Variants in KIF4A observed in about 807,000 individuals in gnomAD.
KIF4A encodes kinesin family member 4A, also known as chromosome-associated kinesin KIF4A.
In KIF4A, 7 loss-of-function variants were observed where a neutral mutation model predicts 105.9. That is an observed-to-expected ratio of 0.07 (90% confidence interval 0.04 to 0.12). KIF4A has a LOEUF of 0.12. Ranked by LOEUF, KIF4A falls within the 10% of genes least tolerant of loss-of-function variation. The pLI is 1.00. For synonymous variants in KIF4A, 281 were observed against 331.3 expected, an observed-to-expected ratio of 0.85 and a Z score of 1.65; for missense variants, 558 against 929.2, an observed-to-expected ratio of 0.60 and a Z score of 5.19.
chrX:70,358,906 A>G (rs1051882197), intron 15 of KIF4A, among the ~76,000 whole-genome samples: 2 of 112,318 alleles, frequency 1.8e-5, no homozygotes, highest in Admixed American at 9.4e-5. Context: ...AGTCTCTCCA[A>G]TCATAGACAG....
intron 29 of KIF4A, among the ~76,000 whole-genome samples, chrX:70,419,430 C>T (rs2086357750): frequency 2.7e-5 from 3 of 112,120 alleles, no homozygotes; most frequent in Admixed American, 9.5e-5. Flanking sequence ...TGAGATGTCC[C>T]ATGCAACTAC....
intron 15 of KIF4A, among the ~76,000 whole-genome samples, chrX:70,373,504 ATATATACAT>A (rs2086149642): frequency 1.7e-5 from 1 of 59,979 alleles, no homozygotes; most frequent in African/African-American, 5.6e-5. Flanking sequence ...GGCAACATAT[ATATATACAT>A]GTGTGTGTAT....
At chrX:70,302,099 G>A (rs1300823991) in intron 6 of KIF4A, 33 bp downstream of exon 6, 1 of 1,189,609 alleles carries the variant, frequency 8.4e-7, no homozygotes, top group Non-Finnish European at 1.1e-6. Flanking sequence ...AAGATTTTTA[G>A]TATTAGTTCT....
At chrX:70,333,346 A>C (rs1359049467) in intron 9 of KIF4A, among the ~76,000 whole-genome samples, 1 of 110,233 alleles carries the variant, frequency 9.1e-6, no homozygotes, top group Admixed American at 9.6e-5. Context: ...AAAAGAAAAG[A>C]AAAAAGAAAA....
intron 13 of KIF4A, among the ~76,000 whole-genome samples, chrX:70,349,926 C>T (rs1329484106): frequency 8.5e-4 from 78 of 91,929 alleles, no homozygotes; most frequent in Non-Finnish European, 1.4e-3. Flanking sequence ...ACCTCCCAGA[C>T]GGGGTGGCGG....
intron 7 of KIF4A, among the ~76,000 whole-genome samples, chrX:70,316,875 A>G (rs919375755): frequency 1.8e-5 from 2 of 112,369 alleles, no homozygotes; most frequent in African/African-American, 6.5e-5. Context: ...TTTGAATTTC[A>G]GATAAATGAC....
intron 3 of KIF4A, among the ~76,000 whole-genome samples, chrX:70,291,937 A>G (rs185558969): frequency 1.8e-5 from 2 of 112,062 alleles, no homozygotes; most frequent in African/African-American, 6.5e-5. Flanking sequence ...GCCTTCTTCT[A>G]GGCAACAGCT....
At position 70,305,695 on chromosome X, in the gene KIF4A, T is replaced by C. The variant is rs941148576; in HGVS notation, c.778+3297T>C. Among the ~76,000 whole-genome samples the C allele has an allele frequency of 5.3e-5, 6 of 112,343 alleles. No individual in the cohort carries two copies. The East Asian group carries it at 1.1e-3, about 21-fold the overall frequency. ...TTCTGTAGACAAGTTTTCATTTCTC[T>C]TGAGTGTATACCTATGAGTGGAATT... On this transcript the variant is annotated intron_variant, in intron 7 of 30. Coordinates refer to ENST00000374403, the MANE Select transcript of KIF4A (RefSeq NM_012310.5).
intron 15 of KIF4A, among the ~76,000 whole-genome samples, chrX:70,358,284 G>GT (rs77894523): frequency 0.43 from 47,176 of 109,140 alleles, 8,413 homozygotes; most frequent in Non-Finnish European, 0.55. Flanking sequence ...TTTCTGGGCG[G>GT]TTTTTTTCCT....
rs1425050236 is a variant in KIF4A at position 70,395,037 on chromosome X, G to A, written c.2233-634G>A. On this transcript the variant is annotated intron_variant, in intron 20 of 30. Transcript: ENST00000374403. The stretch of plus-strand genomic sequence containing the variant: ...AAGGTGGGTGGATCACTTGAGGCCA[G>A]CAGTTCAAGACCAGCCTGGCCAACA... 3.6e-5 allele frequency among the ~76,000 whole-genome samples: 4 copies of A among 112,276 alleles called. No homozygotes were observed. In the East Asian group the frequency reaches 1.1e-3, roughly 31 times the overall value.
At chrX:70,315,193 T>A (rs191964569) in intron 7 of KIF4A, among the ~76,000 whole-genome samples, 355 of 111,907 alleles carry the variant, frequency 3.2e-3, no homozygotes, top group African/African-American at 0.011. Flanking sequence ...ACAGGTTTTG[T>A]TAACTAGAGG....
At chrX:70,299,291 T>G (rs1175221052) in intron 5 of KIF4A, 89 bp downstream of exon 5, 1 of 705,229 alleles carries the variant, frequency 1.4e-6, no homozygotes, top group African/African-American at 2.2e-5. Context: ...ACTGTGGTTT[T>G]AAATGACTAC....
At chrX:70,317,472 C>T (rs752051834) in intron 7 of KIF4A, among the ~76,000 whole-genome samples, 5 of 110,108 alleles carry the variant, frequency 4.5e-5, no homozygotes, top group African/African-American at 6.6e-5. Context: ...CATACCCCTC[C>T]GAGATCATGA....
At chrX:70,305,526 T>C (rs2085823391) in intron 7 of KIF4A, among the ~76,000 whole-genome samples, 1 of 112,624 alleles carries the variant, frequency 8.9e-6, no homozygotes, top group Non-Finnish European at 1.9e-5. Flanking sequence ...GTATCAGTAC[T>C]GAATTCTGTT....
At chrX:70,310,348 T>TGTGTGTGCGC (rs56051172) in intron 7 of KIF4A, among the ~76,000 whole-genome samples, 1 of 107,502 alleles carries the variant, frequency 9.3e-6, no homozygotes, top group Non-Finnish European at 1.9e-5. Context: ...TGTGTGTGTG[T>TGTGTGTGCGC]GCCTGGATTC....
rs968208460 is a variant in KIF4A, at chrX:70,321,556, T to G, written c.779-7849T>G. Among the ~76,000 whole-genome samples, 3 of 111,478 alleles carry G rather than the reference T, an allele frequency of 2.7e-5. No individual in the cohort carries two copies. In the Admixed American group the frequency reaches 2.9e-4, roughly 11 times the overall value. On this transcript the variant is annotated intron_variant, in intron 7 of 30. Transcript: ENST00000374403. ...TTTCAGATCTCTGTGCCATTACTCC[T>G]GTGTGTTTTCTGCTGGATTTTCTCC...
At chrX:70,401,107 G>A (rs1395428264) in intron 22 of KIF4A, among the ~76,000 whole-genome samples, 1 of 91,714 alleles carries the variant, frequency 1.1e-5, no homozygotes, top group Non-Finnish European at 2.1e-5. Flanking sequence ...TTGAGATGGA[G>A]TCTTGCTCTG....
At chrX:70,334,004 G>A (rs1412849609) in intron 10 of KIF4A, among the ~76,000 whole-genome samples, 2 of 111,791 alleles carry the variant, frequency 1.8e-5, no homozygotes, top group East Asian at 5.6e-4. Flanking sequence ...TTAACATCCA[G>A]TACTATTATT....
chrX:70,365,266 C>T (rs1343438979), intron 15 of KIF4A, among the ~76,000 whole-genome samples: 2 of 111,800 alleles, frequency 1.8e-5, no homozygotes, highest in African/African-American at 6.5e-5. Context: ...CTGGCCAGAA[C>T]TTCCAACACT....
Sources: gnomAD v4.1 joint callset for allele counts (sites outside exome capture counted in the v4.1 genomes callset) on GRCh38, gnomAD v4.1.1 for gene constraint, MANE v1.5 for transcripts, NCBI Gene and HGNC (gene_info 2026-07-23, HGNC 2026-07-21) for gene names.